The following HOMER2 variants were observed in gnomAD, a reference collection of about 807,000 sequenced individuals.
HOMER2 encodes homer protein homolog 2.
In HOMER2, 27 loss-of-function variants were observed where a neutral mutation model predicts 47.0. The observed-to-expected ratio is 0.57, with a 90% CI of 0.42 to 0.79. The LOEUF is 0.79. Among genes scored for constraint, HOMER2 ranks in the 30% least tolerant of loss-of-function variants. The pLI is 0.00. For synonymous variants in HOMER2, 161 were observed against 163.8 expected, an observed-to-expected ratio of 0.98 and a Z score of 0.13; for missense variants, 443 against 435.0, an observed-to-expected ratio of 1.02 and a Z score of -0.16.
At chr15:82,906,021 A>C (rs1444175696) in intron 1 of HOMER2, among the ~76,000 whole-genome samples, 1 of 152,208 alleles carries the variant, frequency 6.6e-6, no homozygotes, top group East Asian at 1.9e-4. Context: ...TGACAGGATG[A>C]TATAAGCTAT....
chr15:82,950,087 A>G (rs978301685), intron 1 of HOMER2, among the ~76,000 whole-genome samples: 1 of 152,214 alleles, frequency 6.6e-6, no homozygotes, highest in African/African-American at 2.4e-5. Flanking sequence ...AGGTAGCAGC[A>G]GCTGCATACT....
chr15:82,920,031 C>G (rs138451548), intron 1 of HOMER2, among the ~76,000 whole-genome samples: 27 of 152,358 alleles, frequency 1.8e-4, no homozygotes, highest in Non-Finnish European at 3.4e-4. Context: ...GGAATCTGCT[C>G]CAGTCTCTGT....
intron 1 of HOMER2, among the ~76,000 whole-genome samples, chr15:82,983,342 G>C (rs541110831): frequency 6.6e-6 from 1 of 152,070 alleles, no homozygotes; most frequent in South Asian, 2.1e-4. Flanking sequence ...TTCAACTATT[G>C]TTTCTTCATG....
At chr15:82,938,482 C>T (rs1305459174) in intron 1 of HOMER2, among the ~76,000 whole-genome samples, 1 of 152,204 alleles carries the variant, frequency 6.6e-6, no homozygotes, top group Non-Finnish European at 1.5e-5. Context: ...GGACGATGCA[C>T]TCCTCTTCAG....
chr15:82,847,947 G>T (rs921732551), downstream of HOMER2, among the ~76,000 whole-genome samples: 1 of 152,168 alleles, frequency 6.6e-6, no homozygotes, highest in African/African-American at 2.4e-5. Flanking sequence ...GAAAGGGAAG[G>T]GCCAGCAGCA....
downstream of HOMER2, chr15:82,834,887 T>C (rs1250103447): frequency 6.6e-6 from 1 of 152,174 alleles, no homozygotes; most frequent in African/African-American, 2.4e-5. Context: ...GTTATTTTCC[T>C]CAGGAACTGA....
intron 1 of HOMER2, among the ~76,000 whole-genome samples, chr15:82,905,790 T>G (rs954006520): frequency 1.3e-5 from 2 of 152,230 alleles, no homozygotes; most frequent in South Asian, 4.1e-4. Flanking sequence ...TTGTTGCCAA[T>G]AGACCTGCCT....
At chr15:82,932,506 AAAAAAAG>A (rs1453522759) in intron 1 of HOMER2, among the ~76,000 whole-genome samples, 1 of 152,054 alleles carries the variant, frequency 6.6e-6, no homozygotes, top group African/African-American at 2.4e-5. Context: ...GTCTCAAAAA[AAAAAAAG>A]AAAAAAGAAA....
At chr15:82,928,956 A>AAAAAAAAAAAAAAAAAAAAAAAAC (rs2053932933) in intron 1 of HOMER2, among the ~76,000 whole-genome samples, 1 of 147,994 alleles carries the variant, frequency 6.8e-6, no homozygotes, top group African/African-American at 2.5e-5. Context: ...AAAAAAAAAA[A>AAAAAAAAAAAAAAAAAAAAAAAAC]AAAAGCTGTC....
chr15:82,975,723 T>C (rs147165172), intron 1 of HOMER2, among the ~76,000 whole-genome samples: 1,655 of 152,292 alleles, frequency 0.011, 9 homozygotes, highest in Non-Finnish European at 0.017. Flanking sequence ...AGAAGGGTAG[T>C]GGCATGGTAG....
chr15:82,845,878 G>C (rs2093577422), downstream of HOMER2: 1 of 152,240 alleles, frequency 6.6e-6, no homozygotes, highest in Non-Finnish European at 1.5e-5. Context: ...AATAGGCAGA[G>C]CATGATGTTT....
At chr15:82,943,037 C>T (rs201045070) in intron 1 of HOMER2, among the ~76,000 whole-genome samples, 1 of 152,134 alleles carries the variant, frequency 6.6e-6, no homozygotes, top group East Asian at 1.9e-4. Flanking sequence ...CATGTCATCC[C>T]CAACCACCTA....
At chr15:82,877,522 C>T (rs1239332429) in intron 2 of HOMER2, among the ~76,000 whole-genome samples, 2 of 152,120 alleles carry the variant, frequency 1.3e-5, no homozygotes, top group African/African-American at 4.8e-5. Flanking sequence ...TAAAGCTGGC[C>T]AGTAGGAGAC....
intron 1 of HOMER2, among the ~76,000 whole-genome samples, chr15:82,983,854 A>T (rs2030482938): frequency 1.2e-4 from 18 of 151,970 alleles, no homozygotes; most frequent in Admixed American, 1.2e-3. Context: ...GGCCTCTCAA[A>T]GTGCAGGGAT....
chr15:82,838,247 A>T (rs2051145898), exon 2 of HOMER2: 1 of 152,562 alleles, frequency 6.6e-6, no homozygotes, highest in African/African-American at 2.4e-5. Flanking sequence ...GAGTGAAGAG[A>T]TGACATGGCA....
intron 1 of HOMER2, among the ~76,000 whole-genome samples, chr15:82,922,269 C>G (rs2053749201): frequency 6.6e-6 from 1 of 152,190 alleles, no homozygotes; most frequent in Admixed American, 6.5e-5. Context: ...TTTCCTCTTT[C>G]CAGGATTTGT....
chr15:82,894,046 T>C (rs2052819910), intron 1 of HOMER2, among the ~76,000 whole-genome samples: 1 of 127,368 alleles, frequency 7.9e-6, no homozygotes. Flanking sequence ...TTCCAACTTA[T>C]AAACCTTTTG....
rs2151594426 is a variant in HOMER2, at chr15:82,849,786, C to T, written c.961G>A (p.Val321Met). The part of the protein sequence containing the change: ...LKVELKSFLE[V>M]LDGKIDDLHD... ...AGGTCGTCAATCTTCCCGTCCAGCACCTCCAGGAAGCTCTTCAACTCCACC... is the reference window on the plus strand; with the variant it reads ...AGGTCGTCAATCTTCCCGTCCAGCATCTCCAGGAAGCTCTTCAACTCCACC... Residue 321 changes from valine to methionine, a missense_variant, in exon 9 of 9, where the codon GTG becomes ATG. Coordinates refer to ENST00000450735, the MANE Select transcript of HOMER2 (RefSeq NM_004839.4). 1 of 1,614,010 alleles carries T rather than the reference C, an allele frequency of 6.2e-7. No homozygotes were observed. Among genetic ancestry groups the T allele is most frequent in the Non-Finnish European group, 8.5e-7 (1 of 1,179,888 alleles).
At chr15:82,874,005 C>T (rs893142956) in intron 3 of HOMER2, among the ~76,000 whole-genome samples, 5 of 152,214 alleles carry the variant, frequency 3.3e-5, no homozygotes, top group African/African-American at 1.2e-4. Flanking sequence ...CCTAATTTCC[C>T]CCTCTTTGAA....
Sources: allele counts gnomAD v4.1 joint callset (sites outside exome capture counted in the v4.1 genomes callset), GRCh38; gene constraint gnomAD v4.1.1; transcripts MANE v1.5; gene names NCBI Gene and HGNC (gene_info 2026-07-23, HGNC 2026-07-21).